Variants in DCAF6 observed in about 807,000 individuals in gnomAD.
The protein encoded by DCAF6 is DDB1 and CUL4 associated factor 6.
DCAF6 carries 54 observed loss-of-function variants against 125.1 expected under a neutral mutation model. The observed-to-expected ratio is 0.43, with a 90% CI of 0.35 to 0.54. The LOEUF (loss-of-function observed/expected upper bound fraction) is 0.54, where lower values mean the gene tolerates loss of function less well. DCAF6 is among the 20% of genes least tolerant of loss of function. The pLI is 0.01. For missense variants in DCAF6, 934 were observed against 1,161.7 expected (o/e 0.80, Z 2.85); for synonymous variants, 371 against 390.4 (o/e 0.95, Z 0.58).
upstream of DCAF6, chr1:167,936,647 G>A (rs1671257640): frequency 7.5e-6 from 3 of 401,112 alleles, no homozygotes; most frequent in Admixed American, 1.4e-4. Context: ...CCTCCTGTTG[G>A]AGGGGGGCTG....
At chr1:167,960,387 C>T (rs937939341) in intron 2 of DCAF6, among the ~76,000 whole-genome samples, 2 of 152,106 alleles carry the variant, frequency 1.3e-5, no homozygotes, top group Non-Finnish European at 2.9e-5. Context: ...CAGCCTCCAC[C>T]TCCTGGGTTC....
intron 13 of DCAF6, among the ~76,000 whole-genome samples, chr1:168,041,700 C>T (rs980248804): frequency 6.6e-6 from 1 of 151,706 alleles, no homozygotes; most frequent in Non-Finnish European, 1.5e-5. Flanking sequence ...TGTGTCTTTT[C>T]CACTAATATG....
intron 18 of DCAF6, 80 bp from the exon 19 acceptor site, chr1:168,065,506 CAAAT>C (rs1363034378): frequency 7.0e-5 from 74 of 1,051,478 alleles, no homozygotes; most frequent in African/African-American, 8.1e-5. Context: ...AGAATTAAAA[CAAAT>C]AAAAAAATGT....
intron 12 of DCAF6, among the ~76,000 whole-genome samples, chr1:168,028,582 T>C (rs564105218): frequency 6.6e-6 from 1 of 152,330 alleles, no homozygotes; most frequent in Non-Finnish European, 1.5e-5. Context: ...TTTTCCACTA[T>C]GTATCATTTT....
chr1:167,903,869 A>G, the DCAF6 span: 1 of 1,560,824 alleles, frequency 6.4e-7, no homozygotes, highest in African/African-American at 1.4e-5. Flanking sequence ...CAAGCCAGAA[A>G]CCTATGGGAA....
chr1:167,941,245 A>T (rs1449852854), intron 1 of DCAF6, among the ~76,000 whole-genome samples: 1 of 152,212 alleles, frequency 6.6e-6, no homozygotes. Context: ...ATTGTGACAA[A>T]CGTAAGATAT....
chr1:167,935,613 A>G, upstream of DCAF6: 1 of 762,448 alleles, frequency 1.3e-6, no homozygotes, highest in South Asian at 1.7e-5. Flanking sequence ...GCTTCACTTG[A>G]AGGGAAGGGA....
At chr1:167,943,539 A>G (rs530592099) in intron 1 of DCAF6, among the ~76,000 whole-genome samples, 4 of 152,232 alleles carry the variant, frequency 2.6e-5, no homozygotes, top group African/African-American at 4.8e-5. Context: ...TATTTGTACA[A>G]ATTTATGGGT....
chr1:168,055,967 A>T, intron 17 of DCAF6: 1 of 1,601,282 alleles, frequency 6.2e-7, no homozygotes, highest in Non-Finnish European at 8.5e-7. Flanking sequence ...CTAGTTCTGA[A>T]GGGTTACTCA....
the DCAF6 span, among the ~76,000 whole-genome samples, chr1:167,891,347 G>A: frequency 6.6e-6 from 1 of 151,874 alleles, no homozygotes; most frequent in South Asian, 2.1e-4. Context: ...CAACACAACA[G>A]GCACAGGGAA....
chr1:167,899,510 A>G, the DCAF6 span: 24 of 1,614,184 alleles, frequency 1.5e-5, no homozygotes, highest in Non-Finnish European at 1.7e-5. Flanking sequence ...GAATAACATC[A>G]TTCATCTGAG....
intron 19 of DCAF6, 104 bp downstream of exon 19, chr1:168,065,850 A>G: frequency 9.2e-7 from 1 of 1,087,716 alleles, no homozygotes; most frequent in Non-Finnish European, 1.3e-6. Flanking sequence ...AATAATCCAA[A>G]CTATCTGACT....
At chr1:168,042,670 C>T (rs1688684801) in intron 13 of DCAF6, 1 of 161,454 alleles carries the variant, frequency 6.2e-6, no homozygotes, top group Non-Finnish European at 1.4e-5. Context: ...ATCTGTATAA[C>T]CATTAAGGTT....
chr1:167,872,316 C>T, the DCAF6 span, among the ~76,000 whole-genome samples: 2 of 150,012 alleles, frequency 1.3e-5, no homozygotes, highest in South Asian at 4.2e-4. Context: ...CCAGCCTGGG[C>T]AACAAGAGCA....
intron 1 of DCAF6, chr1:167,937,232 G>T (rs1671415314): frequency 1.7e-6 from 1 of 596,882 alleles, no homozygotes; most frequent in African/African-American, 1.9e-5. Flanking sequence ...TTTTCTCGGA[G>T]GGCCGGGCCG....
chr1:168,038,471 G>T lies in DCAF6; in HGVS notation c.1710G>T (p.Leu570=). ...GAACAACTACAAGCACAATAAAACT[G>T]AACTTTACAGATGAATGGTAAGTTA... The part of the protein sequence containing the change: ...TEGTTTSTIK[L]NFTDEWSSIA... Residue 570 remains leucine (L), a synonymous_variant, in exon 13 of 22, where the codon CTG becomes CTT. Coordinates refer to ENST00000367840, the MANE Select transcript of DCAF6 (RefSeq NM_001198956.2). 3 of 1,596,782 alleles carry T rather than the reference G, an allele frequency of 1.9e-6. No individual in the cohort carries two copies. The South Asian group carries it at 3.4e-5, about 18-fold the overall frequency.
chr1:167,896,349 G>A, the DCAF6 span, among the ~76,000 whole-genome samples: 1 of 152,202 alleles, frequency 6.6e-6, no homozygotes, highest in Non-Finnish European at 1.5e-5. Flanking sequence ...TATCCTAGGG[G>A]ATACTTATTA....
Position 168,075,385 on chromosome 1 carries a change from G to A in DCAF6, c.2806G>A (p.Asp936Asn). The A allele has an allele frequency of 6.2e-7, 1 of 1,604,278 alleles. No homozygotes were observed. Among genetic ancestry groups the A allele is most frequent in the Non-Finnish European group, 8.5e-7 (1 of 1,177,874 alleles). ...TGTGTTTCCAGACCGGTTGGAGGGT[G>A]ACAGATCAGAAGGCTCTGGTCAAGA... ...NHIRADRLEG[D>N]RSEGSGQENE... is the part of the protein sequence containing the mutation. Residue 936 changes from aspartate to asparagine, a missense_variant, in exon 22 of 22, where the codon GAC (aspartate) becomes AAC (asparagine). Physicochemically the swap from Asp to Asn is conservative, Grantham distance 23 (BLOSUM62 1). Around this residue, in one of 5 missense-constraint regions of DCAF6, gnomAD observed 36 missense variants for 39.8 expected, o/e 0.91. Coordinates refer to ENST00000367840, the MANE Select transcript of DCAF6 (RefSeq NM_001198956.2).
chr1:167,868,079 G>A, the DCAF6 span, among the ~76,000 whole-genome samples: 1 of 152,180 alleles, frequency 6.6e-6, no homozygotes. Flanking sequence ...AAAAGAGGAG[G>A]TTCGTAAACT....
Sources: allele counts gnomAD v4.1 joint callset (sites outside exome capture counted in the v4.1 genomes callset), GRCh38; gene constraint gnomAD v4.1.1; regional missense constraint gnomAD v4.1.1; transcripts MANE v1.5; gene names NCBI Gene and HGNC (gene_info 2026-07-23, HGNC 2026-07-21).